RYR2: variants seen among roughly 807,000 people sequenced by gnomAD.
RYR2 encodes the protein cardiac muscle ryanodine receptor-calcium release channel.
RYR2 carries 227 observed loss-of-function variants against 601.1 expected under a neutral mutation model. That is an observed-to-expected ratio of 0.38 (90% CI 0.34 to 0.42). The LOEUF (loss-of-function observed/expected upper bound fraction) is 0.42. Among genes scored for constraint, RYR2 ranks in the 10% least tolerant of loss-of-function variants. The probability of loss-of-function intolerance (pLI) is 1.00; values close to 1 mark genes in which losing one functional copy is unlikely to be tolerated. For missense variants in RYR2, 4,646 were observed against 6,156.5 expected, an observed-to-expected ratio of 0.75 and a Z score of 8.21; for synonymous variants, 2,223 against 2,175.1, an observed-to-expected ratio of 1.02 and a Z score of -0.61.
intron 3 of RYR2, among the ~76,000 whole-genome samples, chr1:237,332,007 T>C (rs916749841): frequency 2.0e-5 from 3 of 152,212 alleles, no homozygotes; most frequent in Non-Finnish European, 4.4e-5. Flanking sequence ...ATTTTTATTT[T>C]TTGGTATGGT....
At chr1:237,519,983 C>T (rs987057520) in intron 24 of RYR2, among the ~76,000 whole-genome samples, 3 of 152,030 alleles carry the variant, frequency 2.0e-5, no homozygotes, top group African/African-American at 7.2e-5. Context: ...TTCTCTTGTA[C>T]AGATCTTGTA....
At chr1:237,589,763 A>G (rs760114435) in intron 29 of RYR2, 30 bp from the exon 30 acceptor site, 15 of 1,587,020 alleles carry the variant, frequency 9.5e-6, no homozygotes, top group Admixed American at 3.5e-5. Flanking sequence ...TACTAATGGT[A>G]CTAAAACTTG....
intron 22 of RYR2, among the ~76,000 whole-genome samples, chr1:237,504,796 C>T (rs1245163685): frequency 3.9e-5 from 6 of 152,060 alleles, no homozygotes; most frequent in South Asian, 2.1e-4. Flanking sequence ...CACTAGGTAC[C>T]GGTTTCCTGG....
chr1:237,551,009 G>A (rs1236016453), intron 27 of RYR2, among the ~76,000 whole-genome samples: 1 of 152,126 alleles, frequency 6.6e-6, no homozygotes, highest in East Asian at 1.9e-4. Context: ...CAGAACAGCT[G>A]ATTTTTGCTG....
At chr1:237,198,852 T>TTA (rs1422697573) in intron 1 of RYR2, among the ~76,000 whole-genome samples, 1 of 152,044 alleles carries the variant, frequency 6.6e-6, no homozygotes, top group South Asian at 2.1e-4. Flanking sequence ...CTTTTTTTTT[T>TTA]TTATTTTCTG....
intron 1 of RYR2, among the ~76,000 whole-genome samples, chr1:237,066,059 G>A (rs959947452): frequency 5.9e-5 from 9 of 152,172 alleles, no homozygotes; most frequent in Admixed American, 2.0e-4. Flanking sequence ...ATTTGGGTGG[G>A]GGCACAGATC....
chr1:237,822,717 T>C (rs1382541872), intron 101 of RYR2, among the ~76,000 whole-genome samples: 1 of 152,100 alleles, frequency 6.6e-6, no homozygotes, highest in Non-Finnish European at 1.5e-5. Context: ...ATGCCCAAAT[T>C]AAAAGACACA....
intron 1 of RYR2, among the ~76,000 whole-genome samples, chr1:237,259,529 T>TG (rs1688310111): frequency 5.9e-5 from 2 of 33,984 alleles, no homozygotes; most frequent in Non-Finnish European, 1.2e-4. Flanking sequence ...CTAGACCATT[T>TG]AAAAAAAAAA....
intron 2 of RYR2, among the ~76,000 whole-genome samples, chr1:237,319,415 C>A (rs1422897357): frequency 2.0e-5 from 3 of 152,104 alleles, no homozygotes; most frequent in Non-Finnish European, 4.4e-5. Flanking sequence ...GATAATATAA[C>A]AACCCTGAAT....
At chr1:237,726,156 C>G in intron 74 of RYR2, 117 bp from the exon 75 acceptor site, 1 of 755,730 alleles carries the variant, frequency 1.3e-6, no homozygotes, top group Non-Finnish European at 2.2e-6. Context: ...CACCGCAGTC[C>G]AAACATTTTA....
chr1:237,549,836 G>A (rs1341440142), intron 26 of RYR2, among the ~76,000 whole-genome samples: 2 of 151,978 alleles, frequency 1.3e-5, no homozygotes, highest in African/African-American at 4.8e-5. Context: ...ACTTGTAGGA[G>A]TAGATGCATC....
chr1:237,344,255 C>G (rs1245003069), intron 3 of RYR2, among the ~76,000 whole-genome samples: 2 of 152,196 alleles, frequency 1.3e-5, no homozygotes, highest in African/African-American at 4.8e-5. Context: ...TTGATGATGT[C>G]TTCTTGGATC....
intron 1 of RYR2, among the ~76,000 whole-genome samples, chr1:237,187,866 G>A (rs543162937): frequency 6.6e-6 from 1 of 152,238 alleles, no homozygotes; most frequent in Non-Finnish European, 1.5e-5. Flanking sequence ...TTTAGAGCAG[G>A]GATTTCTTGG....
intron 17 of RYR2, among the ~76,000 whole-genome samples, chr1:237,486,573 G>T (rs1662711833): frequency 6.6e-6 from 1 of 152,190 alleles, no homozygotes; most frequent in Non-Finnish European, 1.5e-5. Flanking sequence ...ATACTGTAGA[G>T]AGGAAAGGCA....
At chr1:237,101,431 T>C (rs981586973) in intron 1 of RYR2, among the ~76,000 whole-genome samples, 1 of 152,134 alleles carries the variant, frequency 6.6e-6, no homozygotes, top group South Asian at 2.1e-4. Flanking sequence ...TTTAACATTC[T>C]TCATCTGTAT....
chr1:237,825,047 C>A (rs144826430), intron 101 of RYR2, among the ~76,000 whole-genome samples: 2,143 of 152,284 alleles, frequency 0.014, 59 homozygotes, highest in African/African-American at 0.049. Flanking sequence ...ATTCCATGCT[C>A]ATGGATAGGA....
At chr1:237,451,924 G>C (rs1347896697) in intron 14 of RYR2, among the ~76,000 whole-genome samples, 1 of 151,104 alleles carries the variant, frequency 6.6e-6, no homozygotes, top group Non-Finnish European at 1.5e-5. Flanking sequence ...TATGTTCTGT[G>C]ATCCTTCTGT....
intron 10 of RYR2, 103 bp downstream of exon 10, chr1:237,388,286 G>T: frequency 1.1e-6 from 1 of 888,092 alleles, no homozygotes; most frequent in Non-Finnish European, 1.8e-6. Context: ...CATCATACAA[G>T]ATGGGCTACT....
At chr1:237,416,499 G>T (rs1206507460) in intron 10 of RYR2, among the ~76,000 whole-genome samples, 1 of 151,972 alleles carries the variant, frequency 6.6e-6, no homozygotes, top group Admixed American at 6.6e-5. Context: ...CCTTTTTTGT[G>T]ACTTTTTGGA....
Sources: allele counts gnomAD v4.1 joint callset (sites outside exome capture counted in the v4.1 genomes callset), GRCh38; gene constraint gnomAD v4.1.1; transcripts MANE v1.5; gene names NCBI Gene and HGNC (gene_info 2026-07-23, HGNC 2026-07-21).